The following RAB3C variants were observed in gnomAD, a reference collection of about 807,000 sequenced individuals.
RAB3C encodes ras-related protein Rab-3C.
RAB3C carries 17 observed loss-of-function variants against 26.4 expected under a neutral mutation model. That is an observed-to-expected ratio of 0.64 (90% confidence interval 0.44 to 0.97). The LOEUF (loss-of-function observed/expected upper bound fraction) is 0.97. RAB3C is among the 50% of genes least tolerant of loss of function. The pLI is 0.00. For synonymous variants in RAB3C, 91 were observed against 95.9 expected, an observed-to-expected ratio of 0.95 and a Z score of 0.30; for missense variants, 242 against 281.9, an observed-to-expected ratio of 0.86 and a Z score of 1.01.
Position 58,853,101 on chromosome 5 carries a change from T to C in RAB3C, c.*1750T>C, listed in dbSNP as rs1744149385. 2 of 152,196 alleles carry C rather than the reference T, an allele frequency of 1.3e-5. No individual in the cohort carries two copies. The highest frequency in any genetic ancestry group is 4.8e-5 in the African/African-American group (2 of 41,450). 9.4% of individuals were successfully genotyped at this position (152,196 alleles called of 1,614,324 possible). A position where few individuals can be genotyped will look rare whatever the true frequency, so the allele number is the denominator to read the frequency against. On this transcript the variant is annotated 3_prime_UTR_variant, in exon 5 of 5. Transcript: ENST00000282878. ...CCACTAATCAGTAGTACATTTCTACTTTGGTGCCCTACAAAGCAAACCTTA... is the reference window on the plus strand; with the variant it reads ...CCACTAATCAGTAGTACATTTCTACCTTGGTGCCCTACAAAGCAAACCTTA...
At chr5:58,605,246 G>A (rs116194093) in intron 1 of RAB3C, among the ~76,000 whole-genome samples, 2,374 of 152,050 alleles carry the variant, frequency 0.016, 18 homozygotes, top group South Asian at 0.022. Flanking sequence ...TTTTTCTTGC[G>A]GTCAATCTGG....
chr5:58,722,158 T>C (rs981962342), intron 2 of RAB3C, among the ~76,000 whole-genome samples: 19 of 151,866 alleles, frequency 1.3e-4, no homozygotes, highest in African/African-American at 4.3e-4. Flanking sequence ...ATTAACATCT[T>C]ATGAAAATGG....
intron 3 of RAB3C, among the ~76,000 whole-genome samples, chr5:58,769,381 T>C (rs1486210235): frequency 6.6e-6 from 1 of 152,164 alleles, no homozygotes; most frequent in East Asian, 1.9e-4. Context: ...TATGTGTACA[T>C]TGGTGCTTCC....
At chr5:58,584,616 A>G (rs554861160) in intron 1 of RAB3C, among the ~76,000 whole-genome samples, 1 of 152,328 alleles carries the variant, frequency 6.6e-6, no homozygotes, top group East Asian at 1.9e-4. Context: ...ATATTTAATT[A>G]TAAGTAAACA....
intron 3 of RAB3C, among the ~76,000 whole-genome samples, chr5:58,765,800 A>T (rs1246640250): frequency 1.3e-5 from 2 of 152,132 alleles, no homozygotes; most frequent in Non-Finnish European, 2.9e-5. Flanking sequence ...CCCAAATTTC[A>T]TGTCAAATTA....
intron 3 of RAB3C, among the ~76,000 whole-genome samples, chr5:58,735,841 C>T (rs975295122): frequency 6.6e-6 from 1 of 152,070 alleles, no homozygotes; most frequent in African/African-American, 2.4e-5. Context: ...CTAGAGGATC[C>T]CAGCAGACTG....
chr5:58,827,143 T>C (rs2548243), intron 4 of RAB3C, among the ~76,000 whole-genome samples: 92,630 of 151,878 alleles, frequency 0.61, 28,520 homozygotes, highest in Middle Eastern at 0.74. Flanking sequence ...AAAATGATAA[T>C]TTTTTTTCTT....
chr5:58,635,990 C>T lies in RAB3C; in HGVS notation c.252+18120C>T, dbSNP rs117851081. On this transcript the variant is annotated intron_variant, in intron 2 of 4. Transcript: ENST00000282878. ...GAGTATATTAAAAATAAAATGCTGTCAAATTAGGAAAGTTAAAGAACGGGC... is the reference window on the plus strand; with the variant it reads ...GAGTATATTAAAAATAAAATGCTGTTAAATTAGGAAAGTTAAAGAACGGGC... Among the ~76,000 whole-genome samples the T allele has an allele frequency of 6.8e-4, 103 of 152,196 alleles. 1 individual carries two copies. In the East Asian group the frequency reaches 9.3e-3, roughly 14 times the overall value.
chr5:58,605,686 T>C (rs1746545901), intron 1 of RAB3C, among the ~76,000 whole-genome samples: 1 of 152,076 alleles, frequency 6.6e-6, no homozygotes, highest in Non-Finnish European at 1.5e-5. Context: ...TCTCTTGAGG[T>C]CAGGAGTTCA....
chr5:58,815,123 T>C (rs1207151942), intron 3 of RAB3C, among the ~76,000 whole-genome samples: 1 of 152,154 alleles, frequency 6.6e-6, no homozygotes, highest in African/African-American at 2.4e-5. Flanking sequence ...AGGAGATATA[T>C]TATTTTCTAC....
rs1289870360 is a variant in RAB3C at position 58,845,612 on chromosome 5, A to ATGTGTGTGTG, written c.497-5542_497-5533dup. 6.5e-4 allele frequency among the ~76,000 whole-genome samples: 53 copies of ATGTGTGTGTG among 81,604 alleles called. 2 individuals are homozygous for ATGTGTGTGTG. Among genetic ancestry groups the ATGTGTGTGTG allele is most frequent in the South Asian group, 1.2e-3 (3 of 2,584 alleles). The allele number at this position is 81,604 out of a possible 152,430, so 53.5% of individuals were successfully genotyped here. On this transcript the variant is annotated intron_variant, in intron 4 of 4. Transcript: ENST00000282878. ...ATTCTTACTATATATATATATATATATGTGTGTGTGTGTGTGTGTATATGT... is the reference window on the plus strand; with the variant it reads ...ATTCTTACTATATATATATATATATATGTGTGTGTGTGTGTGTGTGTGTGTGTGTATATGT...
At chr5:58,756,545 A>G (rs1167567145) in intron 3 of RAB3C, among the ~76,000 whole-genome samples, 2 of 143,624 alleles carry the variant, frequency 1.4e-5, no homozygotes, top group East Asian at 2.1e-4. Context: ...CCACCCCCCA[A>G]CAGGCACTGG....
intron 2 of RAB3C, among the ~76,000 whole-genome samples, chr5:58,700,374 G>A (rs1028101487): frequency 2.6e-5 from 4 of 152,182 alleles, no homozygotes; most frequent in Non-Finnish European, 5.9e-5. Context: ...GGGGGATGGC[G>A]AGAAGCAAAG....
intron 2 of RAB3C, among the ~76,000 whole-genome samples, chr5:58,698,300 A>G (rs539908824): frequency 3.9e-5 from 6 of 152,312 alleles, no homozygotes; most frequent in Admixed American, 3.9e-4. Context: ...ATCAGCTGTT[A>G]GTATGATGGG....
chr5:58,792,264 A>T (rs558006174), intron 3 of RAB3C, among the ~76,000 whole-genome samples: 1 of 152,326 alleles, frequency 6.6e-6, no homozygotes, highest in African/African-American at 2.4e-5. Context: ...TGGCTTCTAT[A>T]TCTGGAATAC....
At chr5:58,675,650 A>C (rs1171159439) in intron 2 of RAB3C, among the ~76,000 whole-genome samples, 1 of 149,568 alleles carries the variant, frequency 6.7e-6, no homozygotes, top group East Asian at 1.9e-4. Context: ...CTTTTCAGCA[A>C]ATGACTGCTA....
intron 2 of RAB3C, among the ~76,000 whole-genome samples, chr5:58,709,782 G>A (rs1486663922): frequency 1.3e-5 from 2 of 152,116 alleles, no homozygotes; most frequent in Non-Finnish European, 2.9e-5. Flanking sequence ...GATCAGAACT[G>A]AACGGAAAAG....
chr5:58,663,533 T>C lies in RAB3C; in HGVS notation c.252+45663T>C, dbSNP rs192597961. ...AATATTAAAATGTAACTAAATTCAT[T>C]TGGATGAAATAGAAGGGAAAGATTT... On this transcript the variant is annotated intron_variant, in intron 2 of 4. Transcript: ENST00000282878. Among the ~76,000 whole-genome samples the C allele has an allele frequency of 1.1e-3, 161 of 150,398 alleles. 18 individuals are homozygous for C. The highest frequency in any genetic ancestry group is 4.0e-3 in the African/African-American group (158 of 39,752).
chr5:58,598,352 A>T (rs1184698218), intron 1 of RAB3C, among the ~76,000 whole-genome samples: 1 of 151,872 alleles, frequency 6.6e-6, no homozygotes, highest in African/African-American at 2.4e-5. Context: ...AGTATCAGAG[A>T]TTAAGTTAAA....
Sources: gnomAD v4.1 joint callset for allele counts (sites outside exome capture counted in the v4.1 genomes callset) on GRCh38, gnomAD v4.1.1 for gene constraint, MANE v1.5 for transcripts, NCBI Gene and HGNC (gene_info 2026-07-23, HGNC 2026-07-21) for gene names.